Variants in KIAA0586 observed in about 807,000 individuals in gnomAD.
KIAA0586 encodes KIAA0586.
Under a neutral mutation model 169.8 loss-of-function variants are expected in KIAA0586, and 144 were observed. The observed-to-expected ratio is 0.85, with a 90% CI of 0.74 to 0.97. KIAA0586 has a LOEUF of 0.97. Ranked by LOEUF, KIAA0586 falls within the 50% of genes least tolerant of loss-of-function variation. The pLI, the probability that KIAA0586 is intolerant of heterozygous loss-of-function variation, is 0.00. For synonymous variants in KIAA0586, 625 were observed against 612.4 expected, an observed-to-expected ratio of 1.02 and a Z score of -0.30; for missense variants, 1,854 against 1,823.0, an observed-to-expected ratio of 1.02 and a Z score of -0.31.
At chr14:58,543,755 C>G in intron 30 of KIAA0586, 1 of 345,892 alleles carries the variant, frequency 2.9e-6, no homozygotes, top group South Asian at 2.4e-5. Flanking sequence ...TATCTTGACC[C>G]TATTTCCACT....
At position 58,508,643 on chromosome 14, in the gene KIAA0586, CACA is replaced by C; in HGVS notation, c.4261_4263del (p.Thr1421del). 1 of 1,595,814 alleles carries C rather than the reference CACA, an allele frequency of 6.3e-7. No individual in the cohort carries two copies. The highest frequency in any genetic ancestry group is 8.5e-7 in the Non-Finnish European group (1 of 1,170,546). Reference sequence around the variant, plus strand: ...AGCCAAATTCTAAGCTGGTTCTTCCCACAACACTTCTGACAGCACAAGAAAATG... The same window carrying C: ...AGCCAAATTCTAAGCTGGTTCTTCCCACACTTCTGACAGCACAAGAAAATG... On this transcript the variant is annotated inframe_deletion, in exon 28 of 31. Coordinates refer to ENST00000652326, the MANE Select transcript of KIAA0586 (RefSeq NM_001329943.3).
intron 30 of KIAA0586, among the ~76,000 whole-genome samples, chr14:58,547,407 G>C (rs1256994478): frequency 6.6e-6 from 1 of 152,098 alleles, no homozygotes; most frequent in African/African-American, 2.4e-5. Flanking sequence ...TAACATATGG[G>C]AAACTGAACT....
chr14:58,454,122 T>C (rs1379876535), intron 9 of KIAA0586, among the ~76,000 whole-genome samples: 1 of 152,214 alleles, frequency 6.6e-6, no homozygotes, highest in South Asian at 2.1e-4. Context: ...CTTAGTGCCT[T>C]CTTTTGTATT....
chr14:58,508,805 C>T (rs1051226974), intron 28 of KIAA0586, 96 bp downstream of exon 28: 34 of 861,260 alleles, frequency 3.9e-5, no homozygotes, highest in Non-Finnish European at 5.7e-5. Context: ...CCTCTGGAGT[C>T]AGATAGCTTC....
intron 12 of KIAA0586, 74 bp downstream of exon 12, chr14:58,458,619 C>T: frequency 1.4e-6 from 1 of 738,280 alleles, no homozygotes; most frequent in Non-Finnish European, 2.2e-6. Context: ...ACAGGCATTA[C>T]ATTTGTTTTC....
At chr14:58,515,915 C>T (rs1441547381) in intron 29 of KIAA0586, among the ~76,000 whole-genome samples, 1 of 151,418 alleles carries the variant, frequency 6.6e-6, no homozygotes. Flanking sequence ...ACTACAAAAT[C>T]ATTAACATTT....
At chr14:58,505,925 C>G (rs1015503255) in intron 27 of KIAA0586, among the ~76,000 whole-genome samples, 5 of 152,000 alleles carry the variant, frequency 3.3e-5, no homozygotes, top group Admixed American at 1.3e-4. Context: ...ATATTTCTAA[C>G]TTTTATACTT....
the KIAA0586 span, among the ~76,000 whole-genome samples, chr14:58,557,841 C>T: frequency 7.0e-4 from 104 of 149,272 alleles, no homozygotes; most frequent in Non-Finnish European, 1.1e-3. Flanking sequence ...CCTTTTCATC[C>T]CATGTGAGGG....
intron 26 of KIAA0586, among the ~76,000 whole-genome samples, chr14:58,493,573 C>G (rs2141250075): frequency 6.6e-6 from 1 of 152,134 alleles, no homozygotes; most frequent in Non-Finnish European, 1.5e-5. Context: ...GTTTTATTTT[C>G]TGTTTTTATT....
intron 26 of KIAA0586, among the ~76,000 whole-genome samples, chr14:58,494,199 TTCTG>T (rs2043008388): frequency 6.6e-6 from 1 of 151,978 alleles, no homozygotes; most frequent in Non-Finnish European, 1.5e-5. Context: ...CCCTTAAATT[TTCTG>T]TCTTTCTTTT....
At chr14:58,551,991 A>G (rs1021481497), downstream of KIAA0586, among the ~76,000 whole-genome samples, 2 of 152,140 alleles carry the variant, frequency 1.3e-5, no homozygotes, top group Admixed American at 6.5e-5. Context: ...CATGGGGTGT[A>G]CAGTGTGGCG....
downstream of KIAA0586, among the ~76,000 whole-genome samples, chr14:58,555,994 A>G (rs2047239233): frequency 2.0e-5 from 3 of 152,236 alleles, no homozygotes; most frequent in South Asian, 2.1e-4. Context: ...AACTTAACTG[A>G]CACATATTTT....
chr14:58,472,281 T>C lies in KIAA0586; in HGVS notation c.2634+2T>C. The C allele has an allele frequency of 1.3e-6, 2 of 1,509,890 alleles. No individual in the cohort carries two copies. The highest frequency in any genetic ancestry group is 1.4e-5 in the African/African-American group (1 of 70,920). The allele number at this position is 1,509,890 out of a possible 1,614,324, so 93.5% of individuals were successfully genotyped here. Reference sequence around the variant, plus strand: ...GATGAAATAATCGATGTCATACAGGTAACAAAGCTTAGAAACCATGAGAAA... The same window carrying C: ...GATGAAATAATCGATGTCATACAGGCAACAAAGCTTAGAAACCATGAGAAA... On this transcript the variant is annotated splice_donor_variant, in intron 18 of 30. Coordinates refer to ENST00000652326, the MANE Select transcript of KIAA0586 (RefSeq NM_001329943.3). LOFTEE classifies it high-confidence loss of function.
chr14:58,477,899 T>C (rs576280626), intron 20 of KIAA0586, among the ~76,000 whole-genome samples: 5 of 152,166 alleles, frequency 3.3e-5, no homozygotes, highest in African/African-American at 1.2e-4. Flanking sequence ...ATTTTTTCCT[T>C]CTCTTCCTCT....
chr14:58,538,323 G>C (rs1434103642), intron 29 of KIAA0586, among the ~76,000 whole-genome samples: 1 of 152,124 alleles, frequency 6.6e-6, no homozygotes, highest in African/African-American at 2.4e-5. Context: ...TTTATCTCCA[G>C]TGAGAATGTA....
chr14:58,458,347 C>T (rs2040043803), intron 11 of KIAA0586, 126 bp from the exon 12 acceptor site: 1 of 624,184 alleles, frequency 1.6e-6, no homozygotes, highest in South Asian at 2.1e-5. Context: ...ATCCTAATAT[C>T]CTTTCCTTTT....
chr14:58,537,740 C>T (rs555165225), intron 29 of KIAA0586, among the ~76,000 whole-genome samples: 1 of 152,152 alleles, frequency 6.6e-6, no homozygotes, highest in Non-Finnish European at 1.5e-5. Context: ...ATCAGCCTCC[C>T]AGGTTCACGC....
At chr14:58,441,101 T>A (rs1331362775) in intron 4 of KIAA0586, 2 of 82,000 alleles carry the variant, frequency 2.4e-5, no homozygotes, top group Non-Finnish European at 5.1e-5. Flanking sequence ...ACTGTAAATA[T>A]ATACAATTTT....
rs763871252 is a variant in KIAA0586, at chr14:58,474,680, C to T, written c.2708C>T (p.Ser903Phe). The change falls in exon 19 of 31, where the codon TCT (serine) becomes TTT (phenylalanine). Residue 903 changes from serine (S) to phenylalanine (F), a missense_variant. Ser to Phe is a radical substitution (Grantham distance 155). Coordinates refer to ENST00000652326, the MANE Select transcript of KIAA0586 (RefSeq NM_001329943.3). ...TTTAACAGAAGTGTTAAAGCTGATT[C>T]TACAAAATATAATGGTCCTCCATTT... ...LEFNRSVKAD[S>F]TKYNGPPFPP... is the part of the protein sequence containing the mutation. 1 of 1,612,806 alleles carries T rather than the reference C, an allele frequency of 6.2e-7. No homozygotes were observed. Among genetic ancestry groups the T allele is most frequent in the South Asian group, 1.1e-5 (1 of 90,886 alleles).
Sources: gnomAD v4.1 joint callset for allele counts (sites outside exome capture counted in the v4.1 genomes callset) on GRCh38, gnomAD v4.1.1 for gene constraint, MANE v1.5 for transcripts, NCBI Gene and HGNC (gene_info 2026-07-23, HGNC 2026-07-21) for gene names.